The following CLPB variants were observed in gnomAD, a reference collection of about 807,000 sequenced individuals.
CLPB encodes the protein ClpB family mitochondrial disaggregase.
CLPB carries 40 observed loss-of-function variants against 78.4 expected under a neutral mutation model. That is an observed-to-expected ratio of 0.51 (90% CI 0.40 to 0.66). The LOEUF (loss-of-function observed/expected upper bound fraction) is 0.66, where lower values mean the gene tolerates loss of function less well. Among genes scored for constraint, CLPB ranks in the 30% least tolerant of loss-of-function variants. The probability of loss-of-function intolerance (pLI) is 0.00; values close to 1 mark genes in which losing one functional copy is unlikely to be tolerated. For synonymous variants in CLPB, 333 were observed against 348.0 expected, an observed-to-expected ratio of 0.96 and a Z score of 0.48; for missense variants, 780 against 886.9, an observed-to-expected ratio of 0.88 and a Z score of 1.53.
At position 72,380,280 on chromosome 11, in the gene CLPB, C is replaced by A; in HGVS notation, c.646+1G>T. The A allele has an allele frequency of 6.2e-7, 1 of 1,611,038 alleles. No homozygotes were observed. The highest frequency in any genetic ancestry group is 8.5e-7 in the Non-Finnish European group (1 of 1,177,124). On this transcript the variant is annotated splice_donor_variant, in intron 4 of 15. Coordinates refer to ENST00000538039, the MANE Select transcript of CLPB (RefSeq NM_001258392.3). LOFTEE classifies it high-confidence loss of function. ...AGAGAAGCAGGACAGCCCACACTTACCTTCCAAAGAATGGATTCCCTGTTC... is the reference window on the plus strand; with the variant it reads ...AGAGAAGCAGGACAGCCCACACTTAACTTCCAAAGAATGGATTCCCTGTTC...
In CLPB at chr11:72,314,265, G is replaced by A. The variant is rs551105349; in HGVS notation, c.988+2841C>T. ...ACCGGGACTAGGTGGACGGAAGCTC[G>A]GGACAGGTTCCTGGTCAGAAGGAGC... On this transcript the variant is annotated intron_variant, in intron 7 of 15. Coordinates refer to ENST00000538039, the MANE Select transcript of CLPB (RefSeq NM_001258392.3). 2.0e-5 allele frequency among the ~76,000 whole-genome samples: 3 copies of A among 152,302 alleles called. No individual in the cohort carries two copies. The South Asian group carries it at 6.2e-4, about 32-fold the overall frequency.
intron 11 of CLPB, among the ~76,000 whole-genome samples, chr11:72,299,482 C>T (rs546847649): frequency 1.1e-4 from 17 of 152,124 alleles, no homozygotes; most frequent in Admixed American, 9.8e-4. Flanking sequence ...CCTCTGCAAT[C>T]GAGCAGTACT....
intron 2 of CLPB, among the ~76,000 whole-genome samples, chr11:72,423,720 G>A (rs1319298454): frequency 6.6e-6 from 1 of 152,156 alleles, no homozygotes; most frequent in Non-Finnish European, 1.5e-5. Context: ...ATTCCTCAAC[G>A]GTTGCCCATG....
chr11:72,293,751 G>T, intron 15 of CLPB, 136 bp from the exon 16 acceptor site: 3 of 1,077,340 alleles, frequency 2.8e-6, no homozygotes, highest in Non-Finnish European at 3.9e-6. Flanking sequence ...GCCAATTGGG[G>T]CTAATAACAG....
chr11:72,295,756 C>G (rs1446706439), intron 11 of CLPB, 108 bp from the exon 12 acceptor site: 2 of 1,081,332 alleles, frequency 1.8e-6, no homozygotes, highest in African/African-American at 3.1e-5. Context: ...AGCCCTGTGT[C>G]TCCCTCCAGC....
intron 3 of CLPB, among the ~76,000 whole-genome samples, chr11:72,393,495 A>T (rs1382421580): frequency 2.0e-5 from 3 of 152,192 alleles, no homozygotes; most frequent in Non-Finnish European, 4.4e-5. Context: ...CATTTTGCAG[A>T]TGGGTAAACT....
At chr11:72,384,651 C>T (rs912731646) in intron 3 of CLPB, among the ~76,000 whole-genome samples, 2 of 152,068 alleles carry the variant, frequency 1.3e-5, no homozygotes, top group African/African-American at 2.4e-5. Flanking sequence ...CTACAAGAGA[C>T]TCACTTTACC....
At chr11:72,356,878 G>C (rs1362075115) in intron 5 of CLPB, 1 of 152,282 alleles carries the variant, frequency 6.6e-6, no homozygotes, top group African/African-American at 2.4e-5. Context: ...CTGGACAATA[G>C]CTGGGAGTAT....
chr11:72,362,133 G>T (rs139964465), intron 4 of CLPB, among the ~76,000 whole-genome samples: 1 of 152,166 alleles, frequency 6.6e-6, no homozygotes, highest in African/African-American at 2.4e-5. Context: ...TCGACTGCCT[G>T]GAACATCTTC....
At chr11:72,321,217 C>T (rs1950038193) in intron 6 of CLPB, among the ~76,000 whole-genome samples, 1 of 152,120 alleles carries the variant, frequency 6.6e-6, no homozygotes, top group South Asian at 2.1e-4. Context: ...CAAGGCTCTG[C>T]TCTGATAGGG....
At chr11:72,415,703 A>T (rs1326342146) in intron 2 of CLPB, among the ~76,000 whole-genome samples, 1 of 152,226 alleles carries the variant, frequency 6.6e-6, no homozygotes, top group Non-Finnish European at 1.5e-5. Flanking sequence ...AGGACAGAAG[A>T]AGTCATGGAT....
chr11:72,395,675 A>G (rs1179111744), intron 3 of CLPB, among the ~76,000 whole-genome samples: 1 of 152,210 alleles, frequency 6.6e-6, no homozygotes, highest in Non-Finnish European at 1.5e-5. Flanking sequence ...GGCAGAAGGT[A>G]GCCCTACTCT....
intron 12 of CLPB, 148 bp from the exon 13 acceptor site, chr11:72,294,841 C>T: frequency 1.4e-6 from 1 of 693,072 alleles, no homozygotes; most frequent in Non-Finnish European, 2.5e-6. Context: ...GGGCTTCAGC[C>T]TGGTCTCCTC....
rs148117088 is a variant in CLPB at position 72,360,541 on chromosome 11, G to A, written c.647-1533C>T. On this transcript the variant is annotated intron_variant, in intron 4 of 15. Transcript: ENST00000538039. ...ATGCAGCCTCTACCTCGGTTCAAGC[G>A]TTTCTCTGCCTTAGCCTCCCGAGTA... Among the ~76,000 whole-genome samples the A allele has an allele frequency of 2.3e-3, 356 of 151,968 alleles. 2 individuals are homozygous for A. The highest frequency in any genetic ancestry group is 8.0e-3 in the African/African-American group (333 of 41,438).
At chr11:72,362,922 G>A (rs1025589403) in intron 4 of CLPB, among the ~76,000 whole-genome samples, 5 of 152,322 alleles carry the variant, frequency 3.3e-5, no homozygotes, top group Middle Eastern at 3.4e-3. Flanking sequence ...TTAGGAGGCC[G>A]AGGCGGGCAG....
At chr11:72,358,327 G>T (rs997096284) in intron 5 of CLPB, among the ~76,000 whole-genome samples, 2 of 152,220 alleles carry the variant, frequency 1.3e-5, no homozygotes, top group African/African-American at 4.8e-5. Flanking sequence ...AAGTTAGGGA[G>T]AAGGCTATTG....
intron 3 of CLPB, among the ~76,000 whole-genome samples, chr11:72,386,768 G>C (rs1015222245): frequency 2.0e-5 from 3 of 152,126 alleles, no homozygotes; most frequent in African/African-American, 7.2e-5. Flanking sequence ...TATGAATTAA[G>C]ATTTCAAAGA....
chr11:72,308,197 G>C (rs1003257377), intron 8 of CLPB, among the ~76,000 whole-genome samples: 1 of 152,228 alleles, frequency 6.6e-6, no homozygotes, highest in African/African-American at 2.4e-5. Context: ...CAGAGGAGGT[G>C]GTTCAACTGT....
At position 72,294,412 on chromosome 11, in the gene CLPB, C is replaced by T. The variant is rs981754949; in HGVS notation, c.1593G>A (p.Arg531=). ...AHFRRDEFLG[R]INEIVYFLPF... is the part of the protein sequence containing the mutation. ...GGAGGAAGTAGACGATCTCATTGAT[C>T]CGTCCCAGAAACTCATCCCTCCGGA... Residue 531 remains arginine, a synonymous_variant, in exon 14 of 16, where the codon CGG becomes CGA. Coordinates refer to ENST00000538039, the MANE Select transcript of CLPB (RefSeq NM_001258392.3). 6.2e-7 allele frequency: 1 copy of T among 1,614,212 alleles called. No individual in the cohort carries two copies. Among genetic ancestry groups the T allele is most frequent in the South Asian group, 1.1e-5 (1 of 91,084 alleles).
Sources: gnomAD v4.1 joint callset for allele counts (sites outside exome capture counted in the v4.1 genomes callset) on GRCh38, gnomAD v4.1.1 for gene constraint, MANE v1.5 for transcripts, NCBI Gene and HGNC (gene_info 2026-07-23, HGNC 2026-07-21) for gene names.